Variants in CYBB observed in about 807,000 individuals in gnomAD.
The protein encoded by CYBB is cytochrome b-245 beta chain.
A neutral mutation model predicts 46.5 loss-of-function variants in CYBB; 5 were observed. The ratio of observed to expected loss-of-function variants is 0.11; its 90% CI spans 0.06 to 0.23. The LOEUF (loss-of-function observed/expected upper bound fraction) is 0.23, where lower values mean the gene tolerates loss of function less well. Among genes scored for constraint, CYBB ranks in the 10% least tolerant of loss-of-function variants. CYBB has a pLI of 1.00. For synonymous variants in CYBB, 183 were observed against 156.7 expected (o/e 1.17, Z -1.26); for missense variants, 307 against 428.3 (o/e 0.72, Z 2.50).
chrX:37,805,266 T>C (rs1929536288), intron 10 of CYBB, 98 bp downstream of exon 10: 13 of 908,553 alleles, frequency 1.4e-5, no homozygotes, highest in Non-Finnish European at 1.9e-5. Context: ...GCAGAGACCA[T>C]GGGAAGTGAA....
intron 4 of CYBB, among the ~76,000 whole-genome samples, chrX:37,792,464 T>C (rs1235081508): frequency 9.0e-6 from 1 of 111,378 alleles, no homozygotes; most frequent in Non-Finnish European, 1.9e-5. Flanking sequence ...AGCCCATAAA[T>C]TGAGAATCCC....
intron 12 of CYBB, among the ~76,000 whole-genome samples, chrX:37,810,350 C>T: frequency 8.9e-6 from 1 of 111,884 alleles, no homozygotes; most frequent in Non-Finnish European, 1.9e-5. Flanking sequence ...AAAGCTGACG[C>T]CAAGGCTACT....
chrX:37,793,592 C>T lies in CYBB; in HGVS notation c.338-73C>T, dbSNP rs1207227265. 5.4e-6 allele frequency: 6 copies of T among 1,105,629 alleles called. No homozygotes were observed. In the African/African-American group the frequency reaches 9.1e-5, roughly 17 times the overall value. The allele number at this position is 1,105,629 out of a possible 1,213,427, so 91.1% of individuals were successfully genotyped here. ...GGCTTATCATAGAGTCAGAGGCTGTCCCAGAAACCCAGCTTACAATAAATT... is the reference window on the plus strand; with the variant it reads ...GGCTTATCATAGAGTCAGAGGCTGTTCCAGAAACCCAGCTTACAATAAATT... On this transcript the variant is annotated intron_variant, in intron 4 of 12. Transcript: ENST00000378588.
chrX:37,802,332 A>G (rs1929464240), intron 8 of CYBB, among the ~76,000 whole-genome samples: 1 of 111,882 alleles, frequency 8.9e-6, no homozygotes, highest in Non-Finnish European at 1.9e-5. Flanking sequence ...AATTTCCCTT[A>G]CTAGACTAGA....
chrX:37,791,916 C>T, intron 3 of CYBB, 59 bp from the exon 4 acceptor site: 1 of 862,666 alleles, frequency 1.2e-6, no homozygotes, highest in Non-Finnish European at 1.7e-6. Flanking sequence ...AAATGTTTGA[C>T]ACATAGCAAG....
At chrX:37,796,352 T>C (rs782795091) in intron 6 of CYBB, among the ~76,000 whole-genome samples, 1 of 111,750 alleles carries the variant, frequency 8.9e-6, no homozygotes, top group African/African-American at 3.2e-5. Context: ...CATGGTGAAG[T>C]TATATATAGC....
chrX:37,792,378 C>G (rs1441324121), intron 4 of CYBB, among the ~76,000 whole-genome samples: 2 of 110,933 alleles, frequency 1.8e-5, no homozygotes, highest in African/African-American at 3.3e-5. Context: ...CTCATGAAAA[C>G]TTATTTATTC....
chrX:37,809,599 G>A lies in CYBB; in HGVS notation c.1494G>A (p.Glu498=). The part of the protein sequence containing the change: ...ANHFAVHHDE[E]KDVITGLKQK... ...ACTTTGCTGTGCACCATGATGAGGA[G>A]AAAGATGTGATCACAGGCCTGAAAC... The change falls in exon 12 of 13, where the codon GAG becomes GAA. Residue 498 remains glutamate, a synonymous_variant. Transcript: ENST00000378588. 1.7e-6 allele frequency: 2 copies of A among 1,202,843 alleles called. No homozygotes were observed. Among genetic ancestry groups the A allele is most frequent in the Non-Finnish European group, 2.2e-6 (2 of 890,377 alleles).
At chrX:37,788,412 C>T (rs1857514600) in intron 3 of CYBB, among the ~76,000 whole-genome samples, 1 of 111,945 alleles carries the variant, frequency 8.9e-6, no homozygotes, top group South Asian at 3.7e-4. Flanking sequence ...TGAAAATGTA[C>T]TTCATTTATG....
chrX:37,799,153 T>C, intron 7 of CYBB, 69 bp downstream of exon 7: 1 of 1,020,241 alleles, frequency 9.8e-7, no homozygotes, highest in Admixed American at 2.2e-5. Flanking sequence ...CTAAGAAACA[T>C]GTACAGATGT....
intron 4 of CYBB, 85 bp downstream of exon 4, chrX:37,792,144 A>G: frequency 1.7e-6 from 1 of 598,593 alleles, no homozygotes; most frequent in South Asian, 2.4e-5. Context: ...CCAGTTTTAT[A>G]GTTAGATTAA....
In CYBB at chrX:37,806,413, C is replaced by T; in HGVS notation, c.1341C>T (p.Asp447=). The T allele has an allele frequency of 8.3e-7, 1 of 1,210,778 alleles. No individual in the cohort carries two copies. The highest frequency in any genetic ancestry group is 1.1e-6 in the Non-Finnish European group (1 of 894,773). ...KKIYFYWLCR[D]THAFEWFADL... ...TCTACTTCTACTGGCTGTGCCGGGACACACATGCCTTTGAGTGGTTTGCAG... is the reference window on the plus strand; with the variant it reads ...TCTACTTCTACTGGCTGTGCCGGGATACACATGCCTTTGAGTGGTTTGCAG... Residue 447 remains aspartate (D), a synonymous_variant, in exon 11 of 13, where the codon GAC becomes GAT. Transcript: ENST00000378588.
chrX:37,804,220 C>A, intron 9 of CYBB, 90 bp downstream of exon 9: 2 of 928,368 alleles, frequency 2.2e-6, no homozygotes, highest in Non-Finnish European at 3.1e-6. Flanking sequence ...ACTAAGTCTC[C>A]AACAAAACAC....
At chrX:37,784,227 A>G (rs782710420) in intron 3 of CYBB, among the ~76,000 whole-genome samples, 6 of 112,354 alleles carry the variant, frequency 5.3e-5, no homozygotes, top group South Asian at 3.6e-4. Flanking sequence ...ATTTCTTACT[A>G]GTATTATTGT....
chrX:37,788,577 G>A (rs950851542), intron 3 of CYBB, among the ~76,000 whole-genome samples: 11 of 111,669 alleles, frequency 9.9e-5, no homozygotes, highest in African/African-American at 3.6e-4. Flanking sequence ...ACCTGTCAAT[G>A]AATATATGCA....
chrX:37,798,646 G>A (rs782729417), intron 6 of CYBB, among the ~76,000 whole-genome samples: 1 of 112,205 alleles, frequency 8.9e-6, no homozygotes, highest in South Asian at 3.7e-4. Flanking sequence ...TTCTGCTTTT[G>A]TTTGTTTGTA....
In CYBB at chrX:37,809,558, T is replaced by C. The variant is rs1929628780; in HGVS notation, c.1462-9T>C. ...TCTTTTTTTTCTGAATTCATGTCCTTTCCTGTAGGCCAATCACTTTGCTGT... is the reference window on the plus strand; with the variant it reads ...TCTTTTTTTTCTGAATTCATGTCCTCTCCTGTAGGCCAATCACTTTGCTGT... On this transcript the variant is annotated splice_polypyrimidine_tract_variant and intron_variant, in intron 11 of 12. Transcript: ENST00000378588. 1 of 1,193,529 alleles carries C rather than the reference T, an allele frequency of 8.4e-7. No individual in the cohort carries two copies. The highest frequency in any genetic ancestry group is 1.1e-6 in the Non-Finnish European group (1 of 885,650).
At chrX:37,786,446 T>A (rs1929068108) in intron 3 of CYBB, among the ~76,000 whole-genome samples, 1 of 111,748 alleles carries the variant, frequency 8.9e-6, no homozygotes, top group African/African-American at 3.3e-5. Flanking sequence ...AGACTAGAAA[T>A]GACAAGGATG....
intron 8 of CYBB, among the ~76,000 whole-genome samples, chrX:37,803,330 T>C (rs1929484560): frequency 9.1e-6 from 1 of 110,367 alleles, no homozygotes; most frequent in South Asian, 3.9e-4. Context: ...AGGCCCTCTC[T>C]CATCCTCTTG....
Sources: allele counts gnomAD v4.1 joint callset (sites outside exome capture counted in the v4.1 genomes callset), GRCh38; gene constraint gnomAD v4.1.1; transcripts MANE v1.5; gene names NCBI Gene and HGNC (gene_info 2026-07-23, HGNC 2026-07-21).